PRAMEF2: variants seen among roughly 807,000 people sequenced by gnomAD.
The protein encoded by PRAMEF2 is PRAME family member 2.
In PRAMEF2, 35 loss-of-function variants were observed where a neutral mutation model predicts 38.0. The observed-to-expected ratio is 0.92, with a 90% CI of 0.70 to 1.22. PRAMEF2 has a LOEUF of 1.22. Ranked by LOEUF, PRAMEF2 falls within the 50% of genes most tolerant of loss-of-function variation. PRAMEF2 has a pLI of 0.00. For missense variants in PRAMEF2, 562 were observed against 553.9 expected, an observed-to-expected ratio of 1.01 and a Z score of -0.15; for synonymous variants, 240 against 232.4, an observed-to-expected ratio of 1.03 and a Z score of -0.30.
At chr1:12,857,574 T>A (rs888027130) in intron 1 of PRAMEF2, among the ~76,000 whole-genome samples, 3 of 141,264 alleles carry the variant, frequency 2.1e-5, no homozygotes, top group African/African-American at 8.3e-5. Context: ...GTGGGATTTA[T>A]TTTTGACCCT....
In PRAMEF2 at chr1:12,859,069, C is replaced by T; in HGVS notation, c.60C>T (p.Asp20=). ...LELAGQSLLR[D]QALSISAMEE... The stretch of plus-strand genomic sequence containing the variant: ...TGGCGGGGCAGAGCCTGCTGAGAGA[C>T]CAGGCCTTGTCCATCTCTGCCATGG... The change falls in exon 2 of 4, where the codon GAC becomes GAT. Residue 20 remains aspartate (D), a synonymous_variant. Transcript: ENST00000240189. 6.2e-7 allele frequency: 1 copy of T among 1,604,424 alleles called. No individual in the cohort carries two copies. Among genetic ancestry groups the T allele is most frequent in the Non-Finnish European group, 8.5e-7 (1 of 1,176,436 alleles).
rs1239956676 is a variant in PRAMEF2 at position 12,857,721 on chromosome 1, T to C, written c.-26+574T>C. ...TTTCTGGTTGATTTTTTTTTTGAGA[T>C]GGAGTTTCCCTATTGTTGCCCAGGC... On this transcript the variant is annotated intron_variant, in intron 1 of 3. Transcript: ENST00000240189. Among the ~76,000 whole-genome samples, 2 of 142,166 alleles carry C rather than the reference T, an allele frequency of 1.4e-5. 1 individual carries two copies. The highest frequency in any genetic ancestry group is 3.1e-5 in the Non-Finnish European group (2 of 65,480). 93.3% of individuals were successfully genotyped at this position (142,166 alleles called of 152,430 possible). A position where few individuals can be genotyped will look rare whatever the true frequency, so the allele number is the denominator to read the frequency against.
chr1:12,861,068 G>A (rs903990794), intron 3 of PRAMEF2, among the ~76,000 whole-genome samples, 153 bp from the exon 4 acceptor site: 1 of 150,386 alleles, frequency 6.6e-6, no homozygotes, highest in Non-Finnish European at 1.5e-5. Context: ...AACGATCAGG[G>A]TCCTCATCAT....
Position 12,859,717 on chromosome 1 carries a change from T to C in PRAMEF2, c.312T>C (p.Asp104=), listed in dbSNP as rs778259198. Residue 104 remains aspartate (D), a synonymous_variant, in exon 3 of 4, where the codon GAT becomes GAC. Coordinates refer to ENST00000240189, the MANE Select transcript of PRAMEF2 (RefSeq NM_023014.1). ...RPRRWKLQVL[D]LRDVDENFWA... is the part of the protein sequence containing the mutation. ...GGAGGTGGAAACTTCAAGTGCTGGA[T>C]TTGCGGGATGTTGATGAGAATTTCT... is the stretch of plus-strand genomic sequence containing the variant. 13 of 1,606,482 alleles carry C rather than the reference T, an allele frequency of 8.1e-6. 1 individual carries two copies. The African/African-American group carries it at 1.2e-4, about 15-fold the overall frequency.
intron 1 of PRAMEF2, 96 bp from the exon 2 acceptor site, chr1:12,858,889 C>G (rs1459789042): frequency 6.5e-6 from 9 of 1,394,634 alleles, no homozygotes; most frequent in Middle Eastern, 2.6e-4. Context: ...GGTAATTTTT[C>G]TACCTCTACC....
In PRAMEF2 at chr1:12,860,775, C is replaced by T. The variant is rs111776658; in HGVS notation, c.867-446C>T. On this transcript the variant is annotated intron_variant, in intron 3 of 3. Transcript: ENST00000240189. Reference sequence around the variant, plus strand: ...AATTGACATGGGAAATGCGTGCTTCCGGGATGGAGGTGAGGGAGTAGGCGT... The same window carrying T: ...AATTGACATGGGAAATGCGTGCTTCTGGGATGGAGGTGAGGGAGTAGGCGT... 1.1e-4 allele frequency among the ~76,000 whole-genome samples: 17 copies of T among 149,134 alleles called. 1 individual carries two copies. The highest frequency in any genetic ancestry group is 2.7e-4 in the African/African-American group (11 of 40,630).
rs756096076 is a variant in PRAMEF2, at chr1:12,861,709, T to C, written c.1355T>C (p.Ile452Thr). 15 of 1,584,418 alleles carry C rather than the reference T, an allele frequency of 9.5e-6. 1 individual carries two copies. The highest frequency in any genetic ancestry group is 2.8e-5 in the African/African-American group (2 of 72,082). The change falls in exon 4 of 4, where the codon ATT becomes ACT. Residue 452 changes from isoleucine (I) to threonine (T), a missense_variant. Physicochemically the swap from Ile to Thr is moderately conservative, Grantham distance 89. Coordinates refer to ENST00000240189, the MANE Select transcript of PRAMEF2 (RefSeq NM_023014.1). ...REFRQPKRIF[I>T]GPTPCPSCGS... Reference sequence around the variant, plus strand: ...TTCAGGCAGCCCAAGAGGATCTTCATTGGCCCCACCCCCTGCCCTTCCTGT... The same window carrying C: ...TTCAGGCAGCCCAAGAGGATCTTCACTGGCCCCACCCCCTGCCCTTCCTGT...
chr1:12,861,151 T>C, intron 3 of PRAMEF2, 70 bp from the exon 4 acceptor site: 3 of 1,513,474 alleles, frequency 2.0e-6, no homozygotes, highest in Non-Finnish European at 2.7e-6. Context: ...GGTATTTTCC[T>C]TGAGGTTATT....
chr1:12,861,194 C>T (rs1363050636), intron 3 of PRAMEF2, 27 bp from the exon 4 acceptor site: 1 of 1,597,942 alleles, frequency 6.3e-7, no homozygotes, highest in Admixed American at 1.7e-5. Context: ...GTACCATTGC[C>T]CAGAACTAAC....
intron 2 of PRAMEF2, 91 bp from the exon 3 acceptor site, chr1:12,859,602 C>T: frequency 1.3e-6 from 2 of 1,568,628 alleles, no homozygotes; most frequent in South Asian, 1.1e-5. Flanking sequence ...GCACTGAGGA[C>T]AGGAGCAGCT....
rs374344188 is a variant in PRAMEF2, at chr1:12,859,231, T to G, written c.222T>G (p.His74Gln). The G allele has an allele frequency of 1.9e-6, 3 of 1,610,326 alleles. No homozygotes were observed. The highest frequency in any genetic ancestry group is 2.7e-5 in the African/African-American group (2 of 74,484). Reference sequence around the variant, plus strand: ...TGGTATCGCTGATGAAGACGCTTCATCTGGAGCCATTGAAAGCATTGCTGG... The same window carrying G: ...TGGTATCGCTGATGAAGACGCTTCAGCTGGAGCCATTGAAAGCATTGCTGG... ...LPLVSLMKTL[H>Q]LEPLKALLEG... is the part of the protein sequence containing the mutation. The change falls in exon 2 of 4, where the codon CAT becomes CAG. Residue 74 changes from histidine to glutamine, a missense_variant. Coordinates refer to ENST00000240189, the MANE Select transcript of PRAMEF2 (RefSeq NM_023014.1).
chr1:12,861,334 T>G lies in PRAMEF2; in HGVS notation c.980T>G (p.Leu327Arg). 6.2e-7 allele frequency: 1 copy of G among 1,607,000 alleles called. No individual in the cohort carries two copies. Residue 327 changes from leucine to arginine, a missense_variant, in exon 4 of 4, where the codon CTC becomes CGC. Physicochemically the swap from Leu to Arg is moderately radical, Grantham distance 102. Transcript: ENST00000240189. ...CTCGGTTACCTAAAGCATCTGAATC[T>G]CAGCTACGTGCTGCTGTTCCGCATC... Reference protein sequence around the residue: ...PSLGYLKHLNLSYVLLFRISL... With the variant: ...PSLGYLKHLNRSYVLLFRISL...
intron 2 of PRAMEF2, 98 bp from the exon 3 acceptor site, chr1:12,859,595 C>A: frequency 6.4e-7 from 1 of 1,555,858 alleles, no homozygotes; most frequent in East Asian, 2.2e-5. Context: ...ACAGGGAGCA[C>A]TGAGGACAGG....
rs568403572 is a variant in PRAMEF2 at position 12,861,791 on chromosome 1, C to T, written c.*12C>T. On this transcript the variant is annotated 3_prime_UTR_variant, in exon 4 of 4. Transcript: ENST00000240189. The stretch of plus-strand genomic sequence containing the variant: ...ATCTTTGCTGCTAGGGAAGGCGTGC[C>T]CAGTGGGGTAGAGAAATCCAAAGTT... 7.6e-5 allele frequency: 121 copies of T among 1,584,464 alleles called. 2 individuals carry two copies. In the South Asian group the frequency reaches 1.2e-3, roughly 15 times the overall value.
intron 2 of PRAMEF2, 134 bp downstream of exon 2, chr1:12,859,430 T>C: frequency 1.3e-6 from 2 of 1,516,022 alleles, no homozygotes; most frequent in South Asian, 2.5e-5. Context: ...AGGGAGGCTT[T>C]GGCCATTGTC....
At position 12,857,099 on chromosome 1, in the gene PRAMEF2, G is replaced by T. The variant is rs540882941; in HGVS notation, c.-74G>T. 6.8e-6 allele frequency: 1 copy of T among 147,410 alleles called. No homozygotes were observed. Among genetic ancestry groups the T allele is most frequent in the Non-Finnish European group, 1.5e-5 (1 of 66,406 alleles). 9.1% of individuals were successfully genotyped at this position (147,410 alleles called of 1,614,324 possible). ...ACAGCACTCACACCTGAAGCTACTG[G>T]TTGGTTCCCTGAGAGGTCCCAGAAC... is the stretch of plus-strand genomic sequence containing the variant. On this transcript the variant is annotated 5_prime_UTR_variant, in exon 1 of 4. Transcript: ENST00000240189.
intron 3 of PRAMEF2, 50 bp downstream of exon 3, chr1:12,860,321 C>G: frequency 6.3e-7 from 1 of 1,598,426 alleles, no homozygotes; most frequent in Non-Finnish European, 8.5e-7. Flanking sequence ...CAGACTTGTT[C>G]TGTTACAGCA....
rs138447851 is a variant in PRAMEF2 at position 12,859,028 on chromosome 1, C to G, written c.19C>G (p.Pro7Ala). Residue 7 changes from proline to alanine, a missense_variant, in exon 2 of 4, where the codon CCG becomes GCG. Physicochemically the swap from Pro to Ala is conservative, Grantham distance 27. Transcript: ENST00000240189. ...CATCAGGATGAGCATCCAGGCCCCA[C>G]CGAGACTACTGGAGCTGGCGGGGCA... Reference protein sequence around the residue: MSIQAPPRLLELAGQSL... With the variant: MSIQAPARLLELAGQSL... 3 of 1,603,714 alleles carry G rather than the reference C, an allele frequency of 1.9e-6. No individual in the cohort carries two copies. Among genetic ancestry groups the G allele is most frequent in the Non-Finnish European group, 2.6e-6 (3 of 1,176,322 alleles).
chr1:12,857,979 G>A (rs1177895087), intron 1 of PRAMEF2, among the ~76,000 whole-genome samples: 2 of 145,554 alleles, frequency 1.4e-5, no homozygotes, highest in African/African-American at 2.5e-5. Flanking sequence ...GATTACAGGA[G>A]TAAGCCAGCA....
Sources: allele counts gnomAD v4.1 joint callset (sites outside exome capture counted in the v4.1 genomes callset), GRCh38; gene constraint gnomAD v4.1.1; transcripts MANE v1.5; gene names NCBI Gene and HGNC (gene_info 2026-07-23, HGNC 2026-07-21).